SORBS2: variants seen among roughly 807,000 people sequenced by gnomAD.
The protein encoded by SORBS2 is sorbin and SH3 domain-containing protein 2.
A neutral mutation model predicts 97.7 loss-of-function variants in SORBS2; 46 were observed. That is an observed-to-expected ratio of 0.47 (90% confidence interval 0.37 to 0.60). The LOEUF is 0.60. SORBS2 is among the 20% of genes least tolerant of loss of function. SORBS2 has a pLI of 0.00. For missense variants in SORBS2, 1,316 were observed against 1,282.3 expected (o/e 1.03, Z -0.40); for synonymous variants, 476 against 473.4 (o/e 1.01, Z -0.07).
intron 2 of SORBS2, among the ~76,000 whole-genome samples, chr4:185,703,706 A>C (rs1293792465): frequency 6.6e-6 from 1 of 152,210 alleles, no homozygotes; most frequent in Non-Finnish European, 1.5e-5. Context: ...CCAAGGTCCT[A>C]TGACCCACAA....
At chr4:185,783,575 T>G (rs1018912098) in intron 1 of SORBS2, among the ~76,000 whole-genome samples, 5 of 152,042 alleles carry the variant, frequency 3.3e-5, no homozygotes, top group African/African-American at 1.2e-4. Flanking sequence ...CAAAAAGGTA[T>G]GGGAGAGACA....
chr4:185,733,087 G>A (rs1359813210), intron 2 of SORBS2, among the ~76,000 whole-genome samples: 5 of 152,186 alleles, frequency 3.3e-5, no homozygotes, highest in African/African-American at 1.2e-4. Context: ...CACGTAGAGT[G>A]TGAGACAATA....
intron 2 of SORBS2, among the ~76,000 whole-genome samples, chr4:185,693,073 T>C (rs773954890): frequency 6.6e-6 from 1 of 152,280 alleles, no homozygotes; most frequent in East Asian, 1.9e-4. Flanking sequence ...GCAGGAGCCA[T>C]GCTTAGCGTG....
At chr4:185,796,231 C>T (rs972127810) in intron 1 of SORBS2, among the ~76,000 whole-genome samples, 2 of 152,152 alleles carry the variant, frequency 1.3e-5, no homozygotes, top group Non-Finnish European at 2.9e-5. Flanking sequence ...TGAATTCATT[C>T]CCACCCTACC....
chr4:185,621,668 T>C (rs1309403385), intron 7 of SORBS2, among the ~76,000 whole-genome samples: 1 of 152,132 alleles, frequency 6.6e-6, no homozygotes, highest in Non-Finnish European at 1.5e-5. Context: ...AAAGCAAACA[T>C]AAAGACTAAG....
intron 1 of SORBS2, among the ~76,000 whole-genome samples, chr4:185,864,008 T>C (rs567746562): frequency 6.6e-6 from 1 of 152,340 alleles, no homozygotes; most frequent in South Asian, 2.1e-4. Flanking sequence ...TTCCATGTTT[T>C]CCATCCTATT....
At chr4:185,825,207 TTTTTG>T (rs1367712248) in intron 1 of SORBS2, among the ~76,000 whole-genome samples, 1 of 81,794 alleles carries the variant, frequency 1.2e-5, no homozygotes. Flanking sequence ...TTTGTTCTGT[TTTTTG>T]TTTTTTTTTT....
intron 1 of SORBS2, among the ~76,000 whole-genome samples, chr4:185,870,423 G>C (rs1026131337): frequency 6.6e-6 from 1 of 152,154 alleles, no homozygotes; most frequent in African/African-American, 2.4e-5. Context: ...GACAAAGGAG[G>C]CTTATTTGAA....
chr4:185,701,370 G>A (rs978396362), intron 2 of SORBS2, among the ~76,000 whole-genome samples: 3 of 152,102 alleles, frequency 2.0e-5, no homozygotes, highest in African/African-American at 7.2e-5. Context: ...CTCTACCCTG[G>A]GACTCAGCCT....
intron 1 of SORBS2, among the ~76,000 whole-genome samples, chr4:185,926,046 T>C (rs1490306993): frequency 1.3e-5 from 2 of 152,268 alleles, no homozygotes; most frequent in African/African-American, 2.4e-5. Context: ...ACACTACCCT[T>C]CCTGGAGTGC....
intron 1 of SORBS2, among the ~76,000 whole-genome samples, chr4:185,819,622 G>A (rs1400147239): frequency 6.6e-6 from 1 of 152,186 alleles, no homozygotes; most frequent in Non-Finnish European, 1.5e-5. Flanking sequence ...TACAAAGAAA[G>A]TACTATCTCA....
chr4:185,643,991 G>A (rs1228163193), intron 4 of SORBS2, among the ~76,000 whole-genome samples: 5 of 151,970 alleles, frequency 3.3e-5, no homozygotes, highest in African/African-American at 1.2e-4. Context: ...ACATCACCAC[G>A]GCCCACTTGG....
chr4:185,629,940 G>C (rs986262812), intron 5 of SORBS2, among the ~76,000 whole-genome samples: 1 of 152,156 alleles, frequency 6.6e-6, no homozygotes. Flanking sequence ...AGGGAAGTTA[G>C]GCCTAGCGGT....
intron 2 of SORBS2, among the ~76,000 whole-genome samples, chr4:185,695,518 A>T (rs375238869): frequency 2.1e-5 from 3 of 143,030 alleles, no homozygotes; most frequent in Non-Finnish European, 4.7e-5. Flanking sequence ...TTTTTTTTTA[A>T]AGAGATGTAT....
At chr4:185,921,027 A>G (rs2099260679) in intron 1 of SORBS2, among the ~76,000 whole-genome samples, 1 of 152,214 alleles carries the variant, frequency 6.6e-6, no homozygotes, top group South Asian at 2.1e-4. Flanking sequence ...CCTGAGAGGC[A>G]GAGGGCTGGG....
intron 4 of SORBS2, among the ~76,000 whole-genome samples, chr4:185,664,528 C>T (rs2097569510): frequency 1.3e-5 from 2 of 152,188 alleles, no homozygotes; most frequent in Non-Finnish European, 2.9e-5. Context: ...ACCTGCTGTG[C>T]TCCTGGTGCC....
intron 2 of SORBS2, among the ~76,000 whole-genome samples, chr4:185,683,258 C>T (rs756999304): frequency 1.3e-5 from 2 of 151,562 alleles, no homozygotes; most frequent in African/African-American, 4.8e-5. Flanking sequence ...GTTGTAATTC[C>T]GAAGCATTAA....
chr4:185,716,196 T>C (rs1459484735), intron 2 of SORBS2, among the ~76,000 whole-genome samples: 4 of 152,238 alleles, frequency 2.6e-5, no homozygotes, highest in Admixed American at 2.6e-4. Flanking sequence ...CCGTAACACC[T>C]GCTGCTGGGG....
intron 1 of SORBS2, among the ~76,000 whole-genome samples, chr4:185,777,867 C>A (rs569125785): frequency 2.0e-5 from 3 of 152,020 alleles, no homozygotes; most frequent in African/African-American, 7.2e-5. Context: ...TCATTAAATC[C>A]GTGACTTTAC....
Sources: gnomAD v4.1 joint callset for allele counts (sites outside exome capture counted in the v4.1 genomes callset) on GRCh38, gnomAD v4.1.1 for gene constraint, MANE v1.5 for transcripts, NCBI Gene and HGNC (gene_info 2026-07-23, HGNC 2026-07-21) for gene names.